Variants in TRMT44 observed in about 807,000 individuals in gnomAD.
TRMT44 encodes probable tRNA (uracil-O(2)-)-methyltransferase.
In TRMT44, 78 loss-of-function variants were observed where a neutral mutation model predicts 77.3. The ratio of observed to expected loss-of-function variants is 1.01; its 90% CI spans 0.84 to 1.22. The LOEUF is 1.22. TRMT44 is among the 50% of genes most tolerant of loss of function. TRMT44 has a pLI of 0.00. For missense variants in TRMT44, 1,090 were observed against 964.4 expected (o/e 1.13, Z -1.73); for synonymous variants, 391 against 383.3 (o/e 1.02, Z -0.23).
At chr4:8,454,022 G>T (rs2109112936) in intron 5 of TRMT44, among the ~76,000 whole-genome samples, 1 of 152,264 alleles carries the variant, frequency 6.6e-6, no homozygotes, top group Middle Eastern at 3.4e-3. Flanking sequence ...TTGGTAGCTG[G>T]TACCTGGAGA....
At chr4:8,512,672 C>T in the TRMT44 span, 4 of 152,174 alleles carry the variant, frequency 2.6e-5, no homozygotes, top group Admixed American at 6.5e-5. Context: ...GCTGCGTGTG[C>T]AGTGCTGACC....
intron 5 of TRMT44, 133 bp from the exon 6 acceptor site, chr4:8,454,609 A>C: frequency 2.6e-6 from 2 of 757,192 alleles, no homozygotes; most frequent in Non-Finnish European, 4.4e-6. Flanking sequence ...CAGGATGGGT[A>C]TGAGTTGCTG....
In TRMT44 at chr4:8,461,981, AAG is replaced by A. The variant is rs1433125710; in HGVS notation, c.1204-1999_1204-1998del. Among the ~76,000 whole-genome samples, 3 of 152,244 alleles carry A rather than the reference AAG, an allele frequency of 2.0e-5. No individual in the cohort carries two copies. The highest frequency in any genetic ancestry group is 4.8e-5 in the African/African-American group (2 of 41,464). On this transcript the variant is annotated intron_variant, in intron 6 of 10. Coordinates refer to ENST00000389737, the MANE Select transcript of TRMT44 (RefSeq NM_152544.3). The surrounding 1 kb of genome is among the most constrained non-coding windows in gnomAD (Gnocchi z 4.6). ...TCAAAAACCTCATTTGATTGCAAGC[AAG>A]AGAGTGTTAAAAAACTAAAAACAAA...
At chr4:8,474,471 G>C (rs960214366) in intron 10 of TRMT44, among the ~76,000 whole-genome samples, 1 of 152,226 alleles carries the variant, frequency 6.6e-6, no homozygotes, top group Non-Finnish European at 1.5e-5. Flanking sequence ...TTCCAGCCAG[G>C]CTGTGAGGGT....
chr4:8,491,097 G>A lies in TRMT44; in HGVS notation n.3892-2169G>A, dbSNP rs985550471. Among the ~76,000 whole-genome samples, 28 of 151,774 alleles carry A rather than the reference G, an allele frequency of 1.8e-4. 1 individual carries two copies. Among genetic ancestry groups the A allele is most frequent in the Non-Finnish European group, 5.9e-5 (4 of 68,000 alleles). ...TGGTGTATTTACAATCCCTGAGCTA[G>A]ACATAAAGGTTCTCCAAGGCCCCAC... On this transcript the variant is annotated intron_variant and non_coding_transcript_variant, in intron 2 of 2. Transcript: ENST00000511366.
At chr4:8,498,626 T>G in the TRMT44 span, among the ~76,000 whole-genome samples, 2 of 152,298 alleles carry the variant, frequency 1.3e-5, no homozygotes, top group Admixed American at 1.3e-4. The surrounding 1 kb of genome is among the most constrained non-coding windows in gnomAD (Gnocchi z 4.3). Flanking sequence ...TAAAATGCGG[T>G]GTCTCCCCCT....
intron 2 of TRMT44, among the ~76,000 whole-genome samples, chr4:8,447,719 C>G (rs2109091593): frequency 6.6e-6 from 1 of 152,308 alleles, no homozygotes; most frequent in East Asian, 1.9e-4. Context: ...GAGAACCATC[C>G]AGAGGTTGCC....
At chr4:8,475,273 T>G (rs1000598271) in intron 10 of TRMT44, among the ~76,000 whole-genome samples, 1 of 152,212 alleles carries the variant, frequency 6.6e-6, no homozygotes, top group Non-Finnish European at 1.5e-5. Flanking sequence ...AGATGTTTTC[T>G]CGTGTTTCGG....
At chr4:8,505,366 A>G in the TRMT44 span, among the ~76,000 whole-genome samples, 67 of 152,244 alleles carry the variant, frequency 4.4e-4, no homozygotes, top group African/African-American at 1.6e-3. Context: ...AGGGTGCAGG[A>G]GGAGCCTCCT....
At chr4:8,487,569 G>A (rs750455205) in intron 2 of TRMT44, among the ~76,000 whole-genome samples, 1 of 151,688 alleles carries the variant, frequency 6.6e-6, no homozygotes, top group Non-Finnish European at 1.5e-5. Context: ...GGATCGGGGT[G>A]CAGAGATAAG....
chr4:8,479,696 A>T (rs1727553032), downstream of TRMT44, among the ~76,000 whole-genome samples: 1 of 152,164 alleles, frequency 6.6e-6, no homozygotes, highest in Admixed American at 6.5e-5. Flanking sequence ...GCCCTTCTGC[A>T]GGCTGGATGA....
At chr4:8,477,480 G>A (rs889693630), downstream of TRMT44, 3 of 152,324 alleles carry the variant, frequency 2.0e-5, no homozygotes, top group African/African-American at 7.2e-5. Flanking sequence ...TGAGGCACAA[G>A]GGAGCTCTGC....
intron 9 of TRMT44, among the ~76,000 whole-genome samples, chr4:8,469,100 A>G (rs1280624936): frequency 3.9e-5 from 6 of 152,192 alleles, no homozygotes; most frequent in South Asian, 4.1e-4. Context: ...TTCCTCACCT[A>G]TGAATGTTGG....
At chr4:8,457,027 C>A (rs899727783) in intron 6 of TRMT44, among the ~76,000 whole-genome samples, 15 of 108,200 alleles carry the variant, frequency 1.4e-4, no homozygotes, top group East Asian at 5.4e-4. Context: ...GCCCCCCCCC[C>A]CCAACTATCT....
In TRMT44 at chr4:8,449,779, C is replaced by T; in HGVS notation, c.845C>T (p.Ser282Phe). 6.5e-7 allele frequency: 1 copy of T among 1,535,948 alleles called. No homozygotes were observed. The highest frequency in any genetic ancestry group is 1.2e-5 in the South Asian group (1 of 84,032). The stretch of plus-strand genomic sequence containing the variant: ...TTGCTGGCCAAGTTGGCCAAGTGGT[C>T]TGTAGAGAACAAGAAGAGTGACTTT... ...EELLAKLAKWSVENKKSDFKS... is the reference protein window; with the variant it reads ...EELLAKLAKWFVENKKSDFKS... Residue 282 changes from serine (S) to phenylalanine (F), a missense_variant, in exon 3 of 11, where the codon TCT (serine) becomes TTT (phenylalanine). Transcript: ENST00000389737.
chr4:8,466,735 A>G (rs1726579733), intron 8 of TRMT44, among the ~76,000 whole-genome samples: 1 of 152,180 alleles, frequency 6.6e-6, no homozygotes, highest in South Asian at 2.1e-4. Context: ...TAATTGGTAG[A>G]GACCGTGGAC....
the TRMT44 span, chr4:8,508,662 C>G: frequency 6.6e-6 from 1 of 152,300 alleles, no homozygotes; most frequent in African/African-American, 2.4e-5. Flanking sequence ...GGCGGCAGAT[C>G]CCCCATGAGT....
chr4:8,451,990 T>G lies in TRMT44; in HGVS notation c.985T>G (p.Phe329Val). 1 of 1,536,774 alleles carries G rather than the reference T, an allele frequency of 6.5e-7. No homozygotes were observed. Among genetic ancestry groups the G allele is most frequent in the Non-Finnish European group, 8.7e-7 (1 of 1,147,034 alleles). ...GCCTGAAGTCACTGATCCTGAGAAG[T>G]TCGTGTATGAAGATGTGGCTATCGC... ...VWPEVTDPEK[F>V]VYEDVAIAAY... Residue 329 changes from phenylalanine to valine, a missense_variant, in exon 4 of 11, where the codon TTC (phenylalanine) becomes GTC (valine). Physicochemically the swap from Phe to Val is conservative, Grantham distance 50. Transcript: ENST00000389737. This position sits in a 1 kb window ranked among gnomAD's most constrained non-coding sequence, Gnocchi z 4.1.
rs1726718020 is a variant in TRMT44 at position 8,468,044 on chromosome 4, C to G, written c.1625C>G (p.Ser542Cys). ...VSPPGWELSP[S>C]PRWVAAGSAG... ...CCACCTGGCTGGGAGCTTTCCCCTT[C>G]TCCACGCTGGGTTGCTGCTGGCAGT... The change falls in exon 9 of 11, where the codon TCT (serine) becomes TGT (cysteine). Residue 542 changes from serine (S) to cysteine (C), a missense_variant. Ser to Cys is a moderately radical substitution (Grantham distance 112). Coordinates refer to ENST00000389737, the MANE Select transcript of TRMT44 (RefSeq NM_152544.3). 1 of 1,614,002 alleles carries G rather than the reference C, an allele frequency of 6.2e-7. No homozygotes were observed. The highest frequency in any genetic ancestry group is 8.5e-7 in the Non-Finnish European group (1 of 1,180,038).
Sources: gnomAD v4.1 joint callset for allele counts (sites outside exome capture counted in the v4.1 genomes callset) on GRCh38, gnomAD v4.1.1 for gene constraint, Gnocchi (gnomAD v3.1) non-coding constraint, MANE v1.5 for transcripts, NCBI Gene and HGNC (gene_info 2026-07-23, HGNC 2026-07-21) for gene names.